The following DUSP10 variants were observed in gnomAD, a reference collection of about 807,000 sequenced individuals.
DUSP10 encodes the protein dual specificity protein phosphatase 10.
DUSP10 carries 14 observed loss-of-function variants against 30.8 expected under a neutral mutation model. The observed-to-expected ratio is 0.46, with a 90% confidence interval of 0.30 to 0.71. The LOEUF (loss-of-function observed/expected upper bound fraction) is 0.71. Ranked by LOEUF, DUSP10 falls within the 30% of genes least tolerant of loss-of-function variation. The pLI is 0.08. For missense variants in DUSP10, 550 were observed against 619.4 expected, an observed-to-expected ratio of 0.89 and a Z score of 1.19; for synonymous variants, 254 against 250.4, an observed-to-expected ratio of 1.01 and a Z score of -0.14.
At chr1:221,723,672 C>G (rs1483818010) in intron 2 of DUSP10, among the ~76,000 whole-genome samples, 11 of 152,180 alleles carry the variant, frequency 7.2e-5, no homozygotes, top group Admixed American at 7.2e-4. Flanking sequence ...ATAAAAGCTA[C>G]AAATCAGGAA....
intron 2 of DUSP10, among the ~76,000 whole-genome samples, chr1:221,712,320 T>C (rs1048717701): frequency 2.6e-5 from 4 of 151,928 alleles, no homozygotes; most frequent in African/African-American, 9.7e-5. Flanking sequence ...TGAATGGGAG[T>C]GCTGTCTCAC....
rs546069262 is a variant in DUSP10, at chr1:221,737,387, T to C, written c.811+1547A>G. Reference sequence around the variant, plus strand: ...TAGGATTTTCTCATTTGTAAGAGGCTAGACACATCAAGATTATGGTAAGAC... The same window carrying C: ...TAGGATTTTCTCATTTGTAAGAGGCCAGACACATCAAGATTATGGTAAGAC... On this transcript the variant is annotated intron_variant, in intron 2 of 3. Coordinates refer to ENST00000366899, the MANE Select transcript of DUSP10 (RefSeq NM_007207.6). The C allele has an allele frequency of 5.7e-5, 56 of 985,408 alleles. No individual in the cohort carries two copies. The African/African-American group carries it at 8.5e-4, about 15-fold the overall frequency. 61.0% of individuals were successfully genotyped at this position (985,408 alleles called of 1,614,324 possible). A position where few individuals can be genotyped will look rare whatever the true frequency, so the allele number is the denominator to read the frequency against.
chr1:221,731,168 G>A (rs1047970775), intron 2 of DUSP10, among the ~76,000 whole-genome samples: 4 of 152,114 alleles, frequency 2.6e-5, no homozygotes, highest in African/African-American at 9.7e-5. Flanking sequence ...AATCTTCCTC[G>A]AAGGGGATTT....
intron 2 of DUSP10, among the ~76,000 whole-genome samples, chr1:221,712,326 C>A (rs963305792): frequency 6.6e-6 from 1 of 152,094 alleles, no homozygotes; most frequent in African/African-American, 2.4e-5. Context: ...GGAGTGCTGT[C>A]TCACTAGGTA....
intron 2 of DUSP10, among the ~76,000 whole-genome samples, chr1:221,724,039 G>A (rs1230642883): frequency 6.6e-6 from 1 of 152,208 alleles, no homozygotes; most frequent in Non-Finnish European, 1.5e-5. Context: ...GGCTCATCAT[G>A]CATAACAAAG....
At chr1:221,704,315 TTA>T (rs1491521224) in intron 3 of DUSP10, among the ~76,000 whole-genome samples, 1 of 129,024 alleles carries the variant, frequency 7.8e-6, no homozygotes, top group Non-Finnish European at 1.5e-5. Context: ...TTTGTTTTCC[TTA>T]AAAAAAAAAA....
At chr1:221,735,949 A>C (rs564788908) in intron 2 of DUSP10, among the ~76,000 whole-genome samples, 92 of 152,364 alleles carry the variant, frequency 6.0e-4, no homozygotes, top group African/African-American at 2.2e-3. Flanking sequence ...ACAAATCCCT[A>C]AATATTTATT....
chr1:221,704,316 T>TAAAAAAA (rs10543773), intron 3 of DUSP10, among the ~76,000 whole-genome samples: 1 of 134,366 alleles, frequency 7.4e-6, no homozygotes, highest in African/African-American at 2.6e-5. Flanking sequence ...TTGTTTTCCT[T>TAAAAAAA]AAAAAAAAAA....
intron 1 of DUSP10, among the ~76,000 whole-genome samples, chr1:221,741,380 G>A (rs1661948860): frequency 6.6e-6 from 1 of 152,078 alleles, no homozygotes. Flanking sequence ...AGAGACACGC[G>A]CTGGGACCCC....
intron 1 of DUSP10, among the ~76,000 whole-genome samples, chr1:221,741,205 T>C (rs1345557347): frequency 6.6e-6 from 1 of 152,160 alleles, no homozygotes; most frequent in African/African-American, 2.4e-5. Flanking sequence ...TCAACCCCCC[T>C]TCCCTTGCGT....
At chr1:221,713,113 T>C (rs1672055088) in intron 2 of DUSP10, among the ~76,000 whole-genome samples, 1 of 152,194 alleles carries the variant, frequency 6.6e-6, no homozygotes, top group South Asian at 2.1e-4. Context: ...AGAGATGAAC[T>C]TTTGATGCTG....
At chr1:221,720,395 C>T (rs1661247977) in intron 2 of DUSP10, among the ~76,000 whole-genome samples, 1 of 152,186 alleles carries the variant, frequency 6.6e-6, no homozygotes, top group African/African-American at 2.4e-5. Flanking sequence ...CCCCATAAAC[C>T]CCATCCATCT....
intron 2 of DUSP10, among the ~76,000 whole-genome samples, chr1:221,725,425 C>T (rs1329636948): frequency 6.6e-6 from 1 of 152,172 alleles, no homozygotes; most frequent in Non-Finnish European, 1.5e-5. Context: ...ACTCCATAAC[C>T]ACAGCATTCC....
At chr1:221,718,371 G>T (rs1661179563) in intron 2 of DUSP10, among the ~76,000 whole-genome samples, 1 of 152,096 alleles carries the variant, frequency 6.6e-6, no homozygotes, top group Non-Finnish European at 1.5e-5. Context: ...TACTGGGGAG[G>T]CTACTCTATA....
Position 221,714,467 on chromosome 1 carries a change from G to A in DUSP10, c.812-8001C>T, listed in dbSNP as rs116382288. On this transcript the variant is annotated intron_variant, in intron 2 of 3. Coordinates refer to ENST00000366899, the MANE Select transcript of DUSP10 (RefSeq NM_007207.6). ...GCGGCTCCATCTTCCCTTCTCTGCCGGCCACGTGTACAGTAAGGAGCAGAC... is the reference window on the plus strand; with the variant it reads ...GCGGCTCCATCTTCCCTTCTCTGCCAGCCACGTGTACAGTAAGGAGCAGAC... 4.3e-3 allele frequency among the ~76,000 whole-genome samples: 648 copies of A among 152,130 alleles called. 10 individuals are homozygous for A. Among genetic ancestry groups the A allele is most frequent in the African/African-American group, 0.015 (608 of 41,488 alleles).
At chr1:221,707,750 C>G (rs1660809379) in intron 2 of DUSP10, among the ~76,000 whole-genome samples, 1 of 151,976 alleles carries the variant, frequency 6.6e-6, no homozygotes, top group Non-Finnish European at 1.5e-5. Flanking sequence ...ATTATGTAGC[C>G]TTTAAAAGAG....
At chr1:221,704,488 A>C (rs1660698770) in intron 3 of DUSP10, among the ~76,000 whole-genome samples, 1 of 152,208 alleles carries the variant, frequency 6.6e-6, no homozygotes, top group South Asian at 2.1e-4. Flanking sequence ...CAGTCATAAC[A>C]TCACATCATG....
intron 2 of DUSP10, among the ~76,000 whole-genome samples, chr1:221,725,008 G>A (rs756353603): frequency 8.1e-4 from 124 of 152,300 alleles, no homozygotes; most frequent in Middle Eastern, 3.4e-3. Context: ...AAAGCAGTGC[G>A]CAGATACATG....
At position 221,702,974 on chromosome 1, in the gene DUSP10, G is replaced by A. The variant is rs1660650266; in HGVS notation, c.1184-297C>T. Reference sequence around the variant, plus strand: ...GCTGCACAGGTGACAGCAGTGGCCGGAAGCCAGACCTATAACACAGTTAAC... The same window carrying A: ...GCTGCACAGGTGACAGCAGTGGCCGAAAGCCAGACCTATAACACAGTTAAC... On this transcript the variant is annotated intron_variant, in intron 3 of 3. Coordinates refer to ENST00000366899, the MANE Select transcript of DUSP10 (RefSeq NM_007207.6). This position sits in a 1 kb window ranked among gnomAD's most constrained non-coding sequence, Gnocchi z 4.5. Among the ~76,000 whole-genome samples the A allele has an allele frequency of 6.6e-6, 1 of 152,108 alleles. No homozygotes were observed. The highest frequency in any genetic ancestry group is 6.5e-5 in the Admixed American group (1 of 15,286).
Sources: allele counts gnomAD v4.1 joint callset (sites outside exome capture counted in the v4.1 genomes callset), GRCh38; gene constraint gnomAD v4.1.1; non-coding constraint Gnocchi (gnomAD v3.1); transcripts MANE v1.5; gene names NCBI Gene and HGNC (gene_info 2026-07-23, HGNC 2026-07-21).